SLC26A5: variants seen among roughly 807,000 people sequenced by gnomAD.
The protein encoded by SLC26A5 is prestin.
In SLC26A5, 51 loss-of-function variants were observed where a neutral mutation model predicts 81.0. That is an observed-to-expected ratio of 0.63 (90% confidence interval 0.50 to 0.80). The LOEUF (loss-of-function observed/expected upper bound fraction) is 0.80. SLC26A5 is among the 30% of genes least tolerant of loss of function. The pLI, the probability that SLC26A5 is intolerant of heterozygous loss-of-function variation, is 0.00. For missense variants in SLC26A5, 771 were observed against 905.8 expected, an observed-to-expected ratio of 0.85 and a Z score of 1.91; for synonymous variants, 325 against 332.8, an observed-to-expected ratio of 0.98 and a Z score of 0.25.
At chr7:103,370,765 A>G (rs935167637), downstream of SLC26A5, among the ~76,000 whole-genome samples, 4 of 152,136 alleles carry the variant, frequency 2.6e-5, no homozygotes, top group African/African-American at 9.7e-5. Flanking sequence ...TGGTTCACAA[A>G]TGTTTTCAAA....
chr7:103,410,659 G>T, intron 6 of SLC26A5, 110 bp from the exon 7 acceptor site: 1 of 1,033,168 alleles, frequency 9.7e-7, no homozygotes, highest in Non-Finnish European at 1.4e-6. Flanking sequence ...TTTTTTTTGA[G>T]ATGGAGTCTT....
intron 14 of SLC26A5, among the ~76,000 whole-genome samples, chr7:103,383,220 T>C (rs972562402): frequency 6.6e-6 from 1 of 152,192 alleles, no homozygotes; most frequent in Admixed American, 6.5e-5. Flanking sequence ...CAAAGTGCTG[T>C]CCATGTGTTG....
chr7:103,416,022 C>A (rs191755467), intron 4 of SLC26A5, among the ~76,000 whole-genome samples: 22 of 152,296 alleles, frequency 1.4e-4, no homozygotes, highest in Admixed American at 7.2e-4. Context: ...TCTTCCAACC[C>A]TGACTAAATA....
intron 8 of SLC26A5, among the ~76,000 whole-genome samples, chr7:103,400,043 G>C (rs1047851891): frequency 7.2e-5 from 11 of 151,908 alleles, no homozygotes; most frequent in Middle Eastern, 3.4e-3. Context: ...GTGTGGATGT[G>C]TCTTTATAGT....
chr7:103,371,478 C>G (rs1433511056), downstream of SLC26A5, among the ~76,000 whole-genome samples: 1 of 151,214 alleles, frequency 6.6e-6, no homozygotes, highest in Non-Finnish European at 1.5e-5. Flanking sequence ...GCGCCCGCCA[C>G]TACGCCCGGC....
At chr7:103,397,640 C>G (rs1312541026) in intron 9 of SLC26A5, among the ~76,000 whole-genome samples, 1 of 149,788 alleles carries the variant, frequency 6.7e-6, no homozygotes, top group African/African-American at 2.5e-5. Context: ...TCGCTTCAAC[C>G]TGGGAGACGG....
downstream of SLC26A5, chr7:103,374,124 A>G: frequency 8.8e-7 from 1 of 1,137,794 alleles, no homozygotes; most frequent in Non-Finnish European, 1.1e-6. Flanking sequence ...GACTGAAATA[A>G]ATTTTTCGAT....
Position 103,378,636 on chromosome 7 carries a change from A to G in SLC26A5, c.1678-83T>C, listed in dbSNP as rs866316230. Reference sequence around the variant, plus strand: ...ATGCCACTCCCCTTCAAATCTCCCCATTTAACTGCTTTCTGGGTCAGATTA... The same window carrying G: ...ATGCCACTCCCCTTCAAATCTCCCCGTTTAACTGCTTTCTGGGTCAGATTA... On this transcript the variant is annotated intron_variant, in intron 16 of 19. Coordinates refer to ENST00000306312, the MANE Select transcript of SLC26A5 (RefSeq NM_198999.3). 7.5e-6 allele frequency: 9 copies of G among 1,197,374 alleles called. No individual in the cohort carries two copies. The African/African-American group carries it at 1.0e-4, about 14-fold the overall frequency. 74.2% of individuals were successfully genotyped at this position (1,197,374 alleles called of 1,614,324 possible). A position where few individuals can be genotyped will look rare whatever the true frequency, so the allele number is the denominator to read the frequency against.
At chr7:103,363,766 G>T (rs538262341) in intron 19 of SLC26A5, among the ~76,000 whole-genome samples, 4 of 152,260 alleles carry the variant, frequency 2.6e-5, no homozygotes, top group African/African-American at 9.6e-5. Context: ...GAAGAAAGGG[G>T]CTTAAATTGA....
chr7:103,362,786 G>A (rs201276718), intron 19 of SLC26A5: 250 of 1,370,512 alleles, frequency 1.8e-4, no homozygotes, highest in Non-Finnish European at 2.4e-4. Flanking sequence ...GGAAAAGGAA[G>A]GCTATGTCTT....
intron 9 of SLC26A5, among the ~76,000 whole-genome samples, chr7:103,397,404 G>T (rs1299008980): frequency 6.6e-6 from 1 of 151,846 alleles, no homozygotes; most frequent in African/African-American, 2.4e-5. Context: ...AGCCGGGCGT[G>T]GTGGCGGGTG....
At chr7:103,406,947 C>T (rs1304056211) in intron 8 of SLC26A5, among the ~76,000 whole-genome samples, 3 of 152,216 alleles carry the variant, frequency 2.0e-5, no homozygotes, top group Non-Finnish European at 2.9e-5. Context: ...AGTCACCACA[C>T]CTAGACGACT....
chr7:103,363,286 T>G, intron 19 of SLC26A5: 1 of 1,377,528 alleles, frequency 7.3e-7, no homozygotes, highest in South Asian at 1.2e-5. Context: ...TCTATTGAAT[T>G]TGGACAGTAT....
At position 103,413,111 on chromosome 7, in the gene SLC26A5, G is replaced by A. The variant is rs1261794170; in HGVS notation, c.294C>T (p.Gly98=). ...CAGCTGCCAGCATTGCAAAGGCTAAGCCTGTGGGATTAAAAACCAAACAGA... is the reference window on the plus strand; with the variant it reads ...CAGCTGCCAGCATTGCAAAGGCTAAACCTGTGGGATTAAAAACCAAACAGA... The part of the protein sequence containing the change: ...ISTGVLQLPQ[G]LAFAMLAAVP... The change falls in exon 5 of 20, where the codon GGC becomes GGT. Residue 98 remains glycine, a splice_region_variant and synonymous_variant. Coordinates refer to ENST00000306312, the MANE Select transcript of SLC26A5 (RefSeq NM_198999.3). The A allele has an allele frequency of 7.5e-6, 12 of 1,609,470 alleles. No individual in the cohort carries two copies. Among genetic ancestry groups the A allele is most frequent in the Admixed American group, 1.7e-5 (1 of 59,970 alleles).
At chr7:103,440,293 C>A (rs1196309670) in intron 2 of SLC26A5, among the ~76,000 whole-genome samples, 2 of 152,204 alleles carry the variant, frequency 1.3e-5, no homozygotes, top group Non-Finnish European at 2.9e-5. Flanking sequence ...TAAACAGGCA[C>A]TGGCTAAGAA....
chr7:103,396,386 C>G (rs1160188273), intron 9 of SLC26A5, among the ~76,000 whole-genome samples: 2 of 152,174 alleles, frequency 1.3e-5, no homozygotes, highest in African/African-American at 4.8e-5. Context: ...ATATCCACAG[C>G]TGCACTATTC....
chr7:103,391,733 C>G lies in SLC26A5; in HGVS notation c.1122G>C (p.Glu374Asp). 6.2e-7 allele frequency: 1 copy of G among 1,612,992 alleles called. No homozygotes were observed. Residue 374 changes from glutamate to aspartate, a missense_variant and splice_region_variant, in exon 11 of 20, where the codon GAG becomes GAC. By Grantham distance (45) the Glu-to-Asp change is conservative. Coordinates refer to ENST00000306312, the MANE Select transcript of SLC26A5 (RefSeq NM_198999.3). ...KHGYQVDGNQ[E>D]LIALGLCNSI... ...AATTGCACAGTCCCAGGGCAATGAG[C>G]TCCTTTCCCATGTAGAAACAAAACA...
Position 103,389,306 on chromosome 7 carries a change from G to A in SLC26A5, c.1407+23C>T, listed in dbSNP as rs766639910. On this transcript the variant is annotated intron_variant, in intron 13 of 19. Transcript: ENST00000306312. ...ATATCTGCTCTATGACATATTAACA[G>A]AGCCATCACCTTTGTTACTTACCAG... 2.1e-5 allele frequency: 32 copies of A among 1,516,454 alleles called. No homozygotes were observed. The South Asian group carries it at 3.1e-4, about 15-fold the overall frequency. The allele number at this position is 1,516,454 out of a possible 1,614,324, so 93.9% of individuals were successfully genotyped here. A position where few individuals can be genotyped will look rare whatever the true frequency, so the allele number is the denominator to read the frequency against.
At chr7:103,357,367 TAAC>T (rs1216919309) in intron 19 of SLC26A5, among the ~76,000 whole-genome samples, 2 of 151,362 alleles carry the variant, frequency 1.3e-5, no homozygotes, top group Non-Finnish European at 2.9e-5. Flanking sequence ...AGTTAAATAA[TAAC>T]AACTGTATTT....
Sources: allele counts gnomAD v4.1 joint callset (sites outside exome capture counted in the v4.1 genomes callset), GRCh38; gene constraint gnomAD v4.1.1; transcripts MANE v1.5; gene names NCBI Gene and HGNC (gene_info 2026-07-23, HGNC 2026-07-21).